MAP3K14: variants seen among roughly 807,000 people sequenced by gnomAD.
MAP3K14 encodes NF-kappa-beta-inducing kinase.
MAP3K14 carries 16 observed loss-of-function variants against 99.2 expected under a neutral mutation model. That is an observed-to-expected ratio of 0.16 (90% confidence interval 0.11 to 0.24). The LOEUF (loss-of-function observed/expected upper bound fraction) is 0.24, where lower values mean the gene tolerates loss of function less well. MAP3K14 is among the 10% of genes least tolerant of loss of function. The pLI is 1.00. For synonymous variants in MAP3K14, 462 were observed against 492.4 expected (o/e 0.94, Z 0.82); for missense variants, 784 against 1,208.7 (o/e 0.65, Z 5.21).
In MAP3K14 at chr17:45,281,318, A is replaced by G. The variant is rs1320144834; in HGVS notation, c.1290+3494T>C. 2.0e-5 allele frequency among the ~76,000 whole-genome samples: 3 copies of G among 148,092 alleles called. No individual in the cohort carries two copies. The East Asian group carries it at 6.0e-4, about 30-fold the overall frequency. ...ACAAAGAAGTGCTAGGATTATAGGT[A>G]TAAGTGCCGCACCGCCTGATCTTTC... is the stretch of plus-strand genomic sequence containing the variant. On this transcript the variant is annotated intron_variant, in intron 6 of 15. Coordinates refer to ENST00000344686, the MANE Select transcript of MAP3K14 (RefSeq NM_003954.5).
chr17:45,299,039 A>T (rs2044366923), intron 1 of MAP3K14, among the ~76,000 whole-genome samples: 1 of 152,224 alleles, frequency 6.6e-6, no homozygotes, highest in African/African-American at 2.4e-5. Context: ...TCAATGCAGC[A>T]ATCACCAGCA....
At position 45,264,589 on chromosome 17, in the gene MAP3K14, C is replaced by G; in HGVS notation, c.*47G>C. ...TTTCAGGGCAGCATCGTGCACCGAG[C>G]AGGAAGGCTGCTTCCGGCAGTGTGG... On this transcript the variant is annotated 3_prime_UTR_variant, in exon 16 of 16. Transcript: ENST00000344686. 1 of 1,523,288 alleles carries G rather than the reference C, an allele frequency of 6.6e-7. No individual in the cohort carries two copies. Among genetic ancestry groups the G allele is most frequent in the Non-Finnish European group, 8.8e-7 (1 of 1,134,608 alleles). The allele number at this position is 1,523,288 out of a possible 1,614,324, so 94.4% of individuals were successfully genotyped here. A position where few individuals can be genotyped will look rare whatever the true frequency, so the allele number is the denominator to read the frequency against.
rs1384116271 is a variant in MAP3K14, at chr17:45,272,960, T to C, written c.1657+543A>G. Among the ~76,000 whole-genome samples the C allele has an allele frequency of 1.3e-5, 2 of 152,084 alleles. No homozygotes were observed. The highest frequency in any genetic ancestry group is 1.9e-4 in the East Asian group (1 of 5,190). On this transcript the variant is annotated intron_variant, in intron 9 of 15. Transcript: ENST00000344686. The surrounding 1 kb of genome is among the most constrained non-coding windows in gnomAD (Gnocchi z 4.1). The stretch of plus-strand genomic sequence containing the variant: ...GTCTCAATGAAAACAACAAAAAAAT[T>C]TGTGATTCTCTCTCTGGGTAAGAGA...
At chr17:45,273,444 T>C (rs1270222933) in intron 9 of MAP3K14, 59 bp downstream of exon 9, 15 of 1,295,130 alleles carry the variant, frequency 1.2e-5, no homozygotes, top group Middle Eastern at 2.1e-4. Context: ...CTGGAAAGCA[T>C]GGAAGGCATT....
rs193300219 is a variant in MAP3K14 at position 45,286,092 on chromosome 17, G to A, written c.1152+339C>T. 6.6e-5 allele frequency among the ~76,000 whole-genome samples: 10 copies of A among 152,172 alleles called. No homozygotes were observed. The East Asian group carries it at 1.7e-3, about 26-fold the overall frequency. The stretch of plus-strand genomic sequence containing the variant: ...GGAAAAAGGGAAGGAGGTGGGTGGT[G>A]AAAACAGGTCCCATCCTCATCTTCC... On this transcript the variant is annotated intron_variant, in intron 5 of 15. Coordinates refer to ENST00000344686, the MANE Select transcript of MAP3K14 (RefSeq NM_003954.5). This position sits in a 1 kb window ranked among gnomAD's most constrained non-coding sequence, Gnocchi z 4.1.
chr17:45,267,087 C>A lies in MAP3K14; in HGVS notation c.2433+5G>T. ...GCCATGGCTCCGGGGCCACAACCGA[C>A]TCACCTTCTCACTGTCATCCGACAG... On this transcript the variant is annotated splice_donor_5th_base_variant and intron_variant, in intron 13 of 15. Transcript: ENST00000344686. The surrounding 1 kb of genome is among the most constrained non-coding windows in gnomAD (Gnocchi z 5.1). The A allele has an allele frequency of 3.2e-6, 5 of 1,571,902 alleles. No individual in the cohort carries two copies. Among genetic ancestry groups the A allele is most frequent in the Non-Finnish European group, 4.3e-6 (5 of 1,158,046 alleles).
rs1567986670 is a variant in MAP3K14 at position 45,267,708 on chromosome 17, G to A, written c.2024C>T (p.Pro675Leu). 6.2e-7 allele frequency: 1 copy of A among 1,613,646 alleles called. No homozygotes were observed. The highest frequency in any genetic ancestry group is 1.1e-5 in the South Asian group (1 of 91,078). Residue 675 changes from proline to leucine, a missense_variant, in exon 12 of 16, where the codon CCA becomes CTA. Around this residue, in one of 5 missense-constraint regions of MAP3K14, gnomAD observed 128 missense variants for 143.3 expected, o/e 0.89. Coordinates refer to ENST00000344686, the MANE Select transcript of MAP3K14 (RefSeq NM_003954.5). The surrounding 1 kb of genome is among the most constrained non-coding windows in gnomAD (Gnocchi z 5.1). Reference sequence around the variant, plus strand: ...GTGGTAATTGGCTTGATTTGGCGGTGGATGTCTTGGTTCTTTATATTCTCC... The same window carrying A: ...GTGGTAATTGGCTTGATTTGGCGGTAGATGTCTTGGTTCTTTATATTCTCC... ...WRGEYKEPRH[P>L]PPNQANYHQT...
At chr17:45,281,458 C>T (rs1253937097) in intron 6 of MAP3K14, among the ~76,000 whole-genome samples, 2 of 151,126 alleles carry the variant, frequency 1.3e-5, no homozygotes, top group African/African-American at 2.4e-5. Flanking sequence ...AATTCTGCCT[C>T]AGCCTCCCAA....
At chr17:45,279,086 ACTGG>A (rs2044200272) in intron 6 of MAP3K14, among the ~76,000 whole-genome samples, 1 of 152,124 alleles carries the variant, frequency 6.6e-6, no homozygotes, top group Admixed American at 6.5e-5. Context: ...CACACTGAAC[ACTGG>A]GGATCACTTT....
chr17:45,278,557 C>G (rs2143801618), intron 6 of MAP3K14, among the ~76,000 whole-genome samples: 2 of 152,280 alleles, frequency 1.3e-5, no homozygotes, highest in South Asian at 4.1e-4. Context: ...GAAGCTGAAG[C>G]CTGGGCAAGT....
chr17:45,265,272 C>A lies in MAP3K14; in HGVS notation c.2579-9G>T. On this transcript the variant is annotated splice_polypyrimidine_tract_variant and intron_variant, in intron 14 of 15. Transcript: ENST00000344686. The stretch of plus-strand genomic sequence containing the variant: ...TATTTGGACTTTCACACCTAGAAGG[C>A]GGACAAGGTGATAGTCAGGAGAGCG... The A allele has an allele frequency of 1.3e-6, 2 of 1,586,490 alleles. No individual in the cohort carries two copies. The highest frequency in any genetic ancestry group is 8.7e-7 in the Non-Finnish European group (1 of 1,155,002).
In MAP3K14 at chr17:45,272,998, T is replaced by A. The variant is rs984292138; in HGVS notation, c.1657+505A>T. Among the ~76,000 whole-genome samples, 2 of 152,210 alleles carry A rather than the reference T, an allele frequency of 1.3e-5. No homozygotes were observed. Among genetic ancestry groups the A allele is most frequent in the Non-Finnish European group, 2.9e-5 (2 of 68,032 alleles). On this transcript the variant is annotated intron_variant, in intron 9 of 15. Coordinates refer to ENST00000344686, the MANE Select transcript of MAP3K14 (RefSeq NM_003954.5). The surrounding 1 kb of genome is among the most constrained non-coding windows in gnomAD (Gnocchi z 4.1). ...TCTGGGTAAGAGACATGGTGAGAATTCTGTTCTCTGCCTCTTTTATATGCT... is the reference window on the plus strand; with the variant it reads ...TCTGGGTAAGAGACATGGTGAGAATACTGTTCTCTGCCTCTTTTATATGCT...
Position 45,267,948 on chromosome 17 carries a change from A to C in MAP3K14, c.1973-189T>G. 1 of 547,960 alleles carries C rather than the reference A, an allele frequency of 1.8e-6. No individual in the cohort carries two copies. The allele number at this position is 547,960 out of a possible 1,614,324, so 33.9% of individuals were successfully genotyped here. A position where few individuals can be genotyped will look rare whatever the true frequency, so the allele number is the denominator to read the frequency against. ...CTCCACAGGAGACTTCCTCAATAAAATGGTCCCAATATGACAGGGATAGGA... is the reference window on the plus strand; with the variant it reads ...CTCCACAGGAGACTTCCTCAATAAACTGGTCCCAATATGACAGGGATAGGA... On this transcript the variant is annotated intron_variant, in intron 11 of 15. Coordinates refer to ENST00000344686, the MANE Select transcript of MAP3K14 (RefSeq NM_003954.5). The surrounding 1 kb of genome is among the most constrained non-coding windows in gnomAD (Gnocchi z 5.1).
intron 13 of MAP3K14, 56 bp from the exon 14 acceptor site, chr17:45,266,737 C>T (rs552095058): frequency 5.4e-5 from 84 of 1,550,882 alleles, no homozygotes; most frequent in Admixed American, 5.4e-4. Context: ...GATCCATCTC[C>T]GGCTTGGGTC....
In MAP3K14 at chr17:45,267,497, C is replaced by G. The variant is rs1356632359; in HGVS notation, c.2235G>C (p.Leu745=). ...TGGCAGGGGCTGGCTCCAGGGAGGA[C>G]AGAGGTAAGGGTTCCCACATCCCAG... ...EESGMWEPLP[L]SSLEPAPARN... is the part of the protein sequence containing the mutation. The change falls in exon 12 of 16, where the codon CTG becomes CTC. Residue 745 remains leucine (L), a synonymous_variant. Transcript: ENST00000344686. This position sits in a 1 kb window ranked among gnomAD's most constrained non-coding sequence, Gnocchi z 5.1. 6.2e-7 allele frequency: 1 copy of G among 1,612,642 alleles called. No individual in the cohort carries two copies. Among genetic ancestry groups the G allele is most frequent in the Non-Finnish European group, 8.5e-7 (1 of 1,179,296 alleles).
chr17:45,271,123 T>G lies in MAP3K14; in HGVS notation c.1756A>C (p.Met586Leu), dbSNP rs1414522406. 1 of 1,613,304 alleles carries G rather than the reference T, an allele frequency of 6.2e-7. No individual in the cohort carries two copies. The highest frequency in any genetic ancestry group is 8.5e-7 in the Non-Finnish European group (1 of 1,179,758). The part of the protein sequence containing the change: ...KVDVWSSCCM[M>L]LHMLNGCHPW... ...TGGCAGCCGTTGAGCATGTGCAGCA[T>G]CATACAGCAGCTGCTCCAGACATCC... is the stretch of plus-strand genomic sequence containing the variant. Residue 586 changes from methionine (M) to leucine (L), a missense_variant, in exon 10 of 16, where the codon ATG becomes CTG. Met to Leu is a conservative substitution (Grantham distance 15, BLOSUM62 2). This residue lies in a region of MAP3K14 where 200 missense variants were observed against 367.9 expected (regional missense o/e 0.54). Coordinates refer to ENST00000344686, the MANE Select transcript of MAP3K14 (RefSeq NM_003954.5).
At position 45,267,462 on chromosome 17, in the gene MAP3K14, C is replaced by T. The variant is rs767814621; in HGVS notation, c.2270G>A (p.Ser757Asn). ...GACGGTTGCTTTCCGCTCTGGTGAGCTGGGGTTTCTGGCAGGGGCTGGCTC... is the reference window on the plus strand; with the variant it reads ...GACGGTTGCTTTCCGCTCTGGTGAGTTGGGGTTTCTGGCAGGGGCTGGCTC... ...SLEPAPARNP[S>N]SPERKATVPE... is the part of the protein sequence containing the mutation. The change falls in exon 12 of 16, where the codon AGC becomes AAC. Residue 757 changes from serine (S) to asparagine (N), a missense_variant. Physicochemically the swap from Ser to Asn is conservative, Grantham distance 46 (BLOSUM62 1). Transcript: ENST00000344686. This position sits in a 1 kb window ranked among gnomAD's most constrained non-coding sequence, Gnocchi z 5.1. 4 of 1,611,198 alleles carry T rather than the reference C, an allele frequency of 2.5e-6. No homozygotes were observed. In the South Asian group the frequency reaches 4.4e-5, roughly 18 times the overall value.
chr17:45,282,269 GTTTC>G (rs1346252451), intron 6 of MAP3K14: 3 of 151,728 alleles, frequency 2.0e-5, no homozygotes, highest in Admixed American at 1.3e-4. Flanking sequence ...ACAAGTAGTT[GTTTC>G]TTCTATTAAA....
At chr17:45,301,980 C>T (rs2143854582) in intron 1 of MAP3K14, among the ~76,000 whole-genome samples, 1 of 152,110 alleles carries the variant, frequency 6.6e-6, no homozygotes, top group Admixed American at 6.6e-5. Flanking sequence ...CAGGTGCGTG[C>T]CACCACGCTT....
Sources: allele counts gnomAD v4.1 joint callset (sites outside exome capture counted in the v4.1 genomes callset), GRCh38; gene constraint gnomAD v4.1.1; regional missense constraint gnomAD v4.1.1; non-coding constraint Gnocchi (gnomAD v3.1); transcripts MANE v1.5; gene names NCBI Gene and HGNC (gene_info 2026-07-23, HGNC 2026-07-21).